Variants in TIAM2 observed in about 807,000 individuals in gnomAD.
TIAM2 encodes the protein TIAM Rac1 associated GEF 2, also known as rho guanine nucleotide exchange factor TIAM2.
In TIAM2, 80 loss-of-function variants were observed where a neutral mutation model predicts 152.9. That is an observed-to-expected ratio of 0.52 (90% CI 0.44 to 0.63). TIAM2 has a LOEUF of 0.63. Among genes scored for constraint, TIAM2 ranks in the 30% least tolerant of loss-of-function variants. The pLI, the probability that TIAM2 is intolerant of heterozygous loss-of-function variation, is 0.00. For synonymous variants in TIAM2, 804 were observed against 838.0 expected (o/e 0.96, Z 0.70); for missense variants, 1,965 against 2,120.1 (o/e 0.93, Z 1.44).
chr6:155,151,780 A>G (rs1000971139), intron 7 of TIAM2, among the ~76,000 whole-genome samples: 1 of 151,762 alleles, frequency 6.6e-6, no homozygotes. Flanking sequence ...AACAGTTTAC[A>G]TGGAAAATGT....
intron 15 of TIAM2, among the ~76,000 whole-genome samples, chr6:155,225,503 G>T (rs1235651457): frequency 2.0e-5 from 3 of 152,188 alleles, no homozygotes; most frequent in Non-Finnish European, 4.4e-5. Context: ...GAAAGTCTCT[G>T]TTCACATTCT....
At chr6:155,179,535 T>G in intron 12 of TIAM2, 79 bp downstream of exon 12, 3 of 1,309,410 alleles carry the variant, frequency 2.3e-6, no homozygotes, top group Non-Finnish European at 2.1e-6. Flanking sequence ...TTGGACTTAA[T>G]TTTTTCCCCT....
chr6:155,006,891 A>G (rs1041734968), intron 1 of TIAM2, among the ~76,000 whole-genome samples: 2 of 151,946 alleles, frequency 1.3e-5, no homozygotes, highest in African/African-American at 2.4e-5. Flanking sequence ...AGGTTTCACC[A>G]TGTTGGCCAG....
At chr6:155,132,568 A>G (rs1460586852) in intron 4 of TIAM2, among the ~76,000 whole-genome samples, 2 of 152,194 alleles carry the variant, frequency 1.3e-5, no homozygotes, top group African/African-American at 2.4e-5. Context: ...ACCACAAAAT[A>G]GTAGAGATTT....
chr6:155,079,342 G>A (rs1474273278), intron 1 of TIAM2, among the ~76,000 whole-genome samples: 3 of 152,174 alleles, frequency 2.0e-5, no homozygotes, highest in African/African-American at 4.8e-5. Flanking sequence ...GATTACAGAC[G>A]TGAGCCTCCT....
intron 1 of TIAM2, among the ~76,000 whole-genome samples, chr6:155,078,745 G>C (rs764346780): frequency 2.4e-4 from 36 of 152,106 alleles, no homozygotes; most frequent in Non-Finnish European, 4.1e-4. Flanking sequence ...TCATTTAATG[G>C]GTGCAGCATC....
At chr6:155,192,953 T>C (rs886153332) in intron 14 of TIAM2, among the ~76,000 whole-genome samples, 3 of 152,252 alleles carry the variant, frequency 2.0e-5, no homozygotes, top group Non-Finnish European at 2.9e-5. Flanking sequence ...GGTGGACTTT[T>C]CTTATTTGGT....
chr6:155,207,310 T>C (rs1383278890), intron 14 of TIAM2, among the ~76,000 whole-genome samples: 1 of 152,198 alleles, frequency 6.6e-6, no homozygotes, highest in Admixed American at 6.5e-5. Context: ...AAGGGCACCC[T>C]CCTTTTACGG....
At chr6:155,175,235 C>T (rs1024693668) in intron 9 of TIAM2, among the ~76,000 whole-genome samples, 3 of 152,200 alleles carry the variant, frequency 2.0e-5, no homozygotes, top group African/African-American at 7.2e-5. Flanking sequence ...AGAAATGTCA[C>T]TTCAAAATTG....
intron 9 of TIAM2, among the ~76,000 whole-genome samples, chr6:155,167,268 C>T (rs2115105280): frequency 6.6e-6 from 1 of 152,166 alleles, no homozygotes; most frequent in East Asian, 1.9e-4. Flanking sequence ...GTCACTCAGG[C>T]TGGAGTGCAG....
In TIAM2 at chr6:155,045,114, G is replaced by A. The variant is rs566892039; in HGVS notation, c.-208-45175G>A. Among the ~76,000 whole-genome samples the A allele has an allele frequency of 2.6e-3, 375 of 145,414 alleles. 3 individuals carry two copies. Among genetic ancestry groups the A allele is most frequent in the African/African-American group, 9.1e-3 (355 of 39,136 alleles). On this transcript the variant is annotated intron_variant, in intron 1 of 26. Coordinates refer to ENST00000682666, the MANE Select transcript of TIAM2 (RefSeq NM_012454.4). Reference sequence around the variant, plus strand: ...TGCCTGGGCTGGAGTGCAGTGGCGCGATCTCGGCTCACTGCAGCCTCTGCC... The same window carrying A: ...TGCCTGGGCTGGAGTGCAGTGGCGCAATCTCGGCTCACTGCAGCCTCTGCC...
chr6:155,013,095 C>G (rs949326297), intron 1 of TIAM2, among the ~76,000 whole-genome samples: 18 of 152,098 alleles, frequency 1.2e-4, no homozygotes, highest in African/African-American at 3.9e-4. Flanking sequence ...CTGTCCCCTA[C>G]CTGTGGCACA....
At chr6:155,158,876 G>T (rs1780192315) in intron 7 of TIAM2, among the ~76,000 whole-genome samples, 1 of 151,954 alleles carries the variant, frequency 6.6e-6, no homozygotes, top group African/African-American at 2.4e-5. Context: ...AGGAAAAGGG[G>T]GTGGGATGTC....
chr6:155,227,369 G>A (rs753703784), intron 15 of TIAM2, among the ~76,000 whole-genome samples: 12 of 152,162 alleles, frequency 7.9e-5, no homozygotes, highest in South Asian at 2.1e-4. Context: ...ATTTAAACCC[G>A]TTTTCCCCAC....
At chr6:155,004,596 G>T (rs1248371215) in intron 1 of TIAM2, among the ~76,000 whole-genome samples, 1 of 151,926 alleles carries the variant, frequency 6.6e-6, no homozygotes, top group Non-Finnish European at 1.5e-5. Context: ...GGGTTTCACC[G>T]TGTTAGCGAG....
In TIAM2 at chr6:155,188,665, A is replaced by G. The variant is rs144525364; in HGVS notation, c.3064+5165A>G. Among the ~76,000 whole-genome samples the G allele has an allele frequency of 6.0e-3, 916 of 152,324 alleles. 13 individuals carry two copies. Among genetic ancestry groups the G allele is most frequent in the African/African-American group, 0.021 (876 of 41,566 alleles). On this transcript the variant is annotated intron_variant, in intron 14 of 26. Coordinates refer to ENST00000682666, the MANE Select transcript of TIAM2 (RefSeq NM_012454.4). ...TTTATACTGGGATCCTGTTAATGCC[A>G]TACTTGTGATTTGTGTATGAAAATC... is the stretch of plus-strand genomic sequence containing the variant.
intron 9 of TIAM2, among the ~76,000 whole-genome samples, chr6:155,172,661 T>TATAGATATATAG (rs1336761700): frequency 8.4e-4 from 7 of 8,300 alleles, no homozygotes; most frequent in African/African-American, 2.5e-3. Flanking sequence ...TATATATATA[T>TATAGATATATAG]ATATATATAT....
At chr6:155,054,916 G>A (rs1283138398) in intron 1 of TIAM2, among the ~76,000 whole-genome samples, 2 of 152,098 alleles carry the variant, frequency 1.3e-5, no homozygotes, top group African/African-American at 2.4e-5. Flanking sequence ...ATTGAATTAC[G>A]GACACTGGGT....
rs796740507 is a variant in TIAM2, at chr6:155,105,334, AGAGACGAG to A, written c.-118+14957_-118+14964del. ...CCCAGCTAATTTTTGTATTTTTAGTAGAGACGAGGTTTCACTGTGTTGGCCAGGCTGAT... is the reference window on the plus strand; with the variant it reads ...CCCAGCTAATTTTTGTATTTTTAGTAGTTTCACTGTGTTGGCCAGGCTGAT... On this transcript the variant is annotated intron_variant, in intron 2 of 26. Transcript: ENST00000682666. Among the ~76,000 whole-genome samples the A allele has an allele frequency of 6.0e-3, 921 of 152,278 alleles. 11 individuals carry two copies. Among genetic ancestry groups the A allele is most frequent in the African/African-American group, 0.02 (830 of 41,562 alleles).
Sources: gnomAD v4.1 joint callset for allele counts (sites outside exome capture counted in the v4.1 genomes callset) on GRCh38, gnomAD v4.1.1 for gene constraint, MANE v1.5 for transcripts, NCBI Gene and HGNC (gene_info 2026-07-23, HGNC 2026-07-21) for gene names.